The following ADAMTS20 variants were observed in gnomAD, a reference collection of about 807,000 sequenced individuals.
ADAMTS20 encodes A disintegrin and metalloproteinase with thrombospondin motifs 20.
In ADAMTS20, 225 loss-of-function variants were observed where a neutral mutation model predicts 260.1. That is an observed-to-expected ratio of 0.87 (90% CI 0.78 to 0.97). ADAMTS20 has a LOEUF of 0.97. ADAMTS20 is among the 50% of genes least tolerant of loss of function. ADAMTS20 has a pLI of 0.00. For missense variants in ADAMTS20, 2,400 were observed against 2,337.7 expected (o/e 1.03, Z -0.55); for synonymous variants, 802 against 769.5 (o/e 1.04, Z -0.70).
At chr12:43,512,306 A>G (rs904161492) in intron 3 of ADAMTS20, among the ~76,000 whole-genome samples, 1 of 149,400 alleles carries the variant, frequency 6.7e-6, no homozygotes, top group Non-Finnish European at 1.5e-5. Flanking sequence ...AAAATAAAAT[A>G]CCCTCATTTT....
chr12:43,487,864 T>A (rs1334490534), intron 7 of ADAMTS20, among the ~76,000 whole-genome samples: 2 of 152,106 alleles, frequency 1.3e-5, no homozygotes, highest in East Asian at 3.8e-4. Context: ...GATGCATGGA[T>A]AAATAGCAAA....
At chr12:43,503,438 T>C (rs927322151) in intron 3 of ADAMTS20, among the ~76,000 whole-genome samples, 3 of 152,076 alleles carry the variant, frequency 2.0e-5, no homozygotes, top group African/African-American at 7.2e-5. Flanking sequence ...ATTAAAATAA[T>C]TCATTTTAAG....
At chr12:43,417,761 C>T (rs1941158860) in intron 28 of ADAMTS20, among the ~76,000 whole-genome samples, 1 of 152,174 alleles carries the variant, frequency 6.6e-6, no homozygotes, top group Non-Finnish European at 1.5e-5. Context: ...TTATCTAACA[C>T]TCCAGGAAAA....
chr12:43,511,828 A>G (rs1319241477), intron 3 of ADAMTS20, among the ~76,000 whole-genome samples: 1 of 152,148 alleles, frequency 6.6e-6, no homozygotes, highest in Non-Finnish European at 1.5e-5. Flanking sequence ...TTTTTAAATG[A>G]GGACATAAAA....
In ADAMTS20 at chr12:43,493,150, A is replaced by C; in HGVS notation, c.951+20T>G. 1 of 1,511,070 alleles carries C rather than the reference A, an allele frequency of 6.6e-7. No individual in the cohort carries two copies. Among genetic ancestry groups the C allele is most frequent in the Non-Finnish European group, 9.0e-7 (1 of 1,110,762 alleles). The allele number at this position is 1,511,070 out of a possible 1,614,324, so 93.6% of individuals were successfully genotyped here. A position where few individuals can be genotyped will look rare whatever the true frequency, so the allele number is the denominator to read the frequency against. ...AAACTTACTACAACTAAGGTTACTA[A>C]TTTTAGACCTGTTTCTTACCTCCTC... On this transcript the variant is annotated intron_variant, in intron 5 of 38. Coordinates refer to ENST00000389420, the MANE Select transcript of ADAMTS20 (RefSeq NM_025003.5).
chr12:43,427,547 A>G, intron 26 of ADAMTS20, 78 bp from the exon 27 acceptor site: 1 of 1,285,970 alleles, frequency 7.8e-7, no homozygotes, highest in Non-Finnish European at 1.0e-6. Flanking sequence ...AAAAAAAATC[A>G]GCATTGACTC....
intron 11 of ADAMTS20, among the ~76,000 whole-genome samples, chr12:43,460,100 A>G (rs1367775796): frequency 6.6e-6 from 1 of 152,242 alleles, no homozygotes; most frequent in Non-Finnish European, 1.5e-5. Context: ...TTTATTTAAT[A>G]CTGAATACAG....
intron 3 of ADAMTS20, among the ~76,000 whole-genome samples, chr12:43,512,333 A>G (rs1050152063): frequency 4.7e-5 from 7 of 149,874 alleles, no homozygotes; most frequent in African/African-American, 1.7e-4. Context: ...GAGGATAATA[A>G]TTTTATATTT....
intron 37 of ADAMTS20, among the ~76,000 whole-genome samples, chr12:43,362,875 C>A (rs1432454508): frequency 6.7e-6 from 1 of 150,258 alleles, no homozygotes; most frequent in African/African-American, 2.4e-5. Context: ...CCAGGGAATG[C>A]AGGCAACTTC....
In ADAMTS20 at chr12:43,532,555, GT is replaced by G. The variant is rs370124548; in HGVS notation, c.454-361del. Among the ~76,000 whole-genome samples the G allele has an allele frequency of 7.8e-4, 107 of 137,350 alleles. 1 individual carries two copies. Among genetic ancestry groups the G allele is most frequent in the African/African-American group, 2.0e-3 (74 of 37,092 alleles). 90.1% of individuals were successfully genotyped at this position (137,350 alleles called of 152,430 possible). A position where few individuals can be genotyped will look rare whatever the true frequency, so the allele number is the denominator to read the frequency against. On this transcript the variant is annotated intron_variant, in intron 2 of 38. Transcript: ENST00000389420. ...AAAATAGATACTTTTTTTTTTTAATGTTTTTTTTTTTATTATACTCTAAGTT... is the reference window on the plus strand; with the variant it reads ...AAAATAGATACTTTTTTTTTTTAATGTTTTTTTTTTATTATACTCTAAGTT...
chr12:43,486,219 T>A (rs187933103), intron 7 of ADAMTS20, among the ~76,000 whole-genome samples: 8 of 151,994 alleles, frequency 5.3e-5, no homozygotes, highest in African/African-American at 2.4e-5. Context: ...GGTACTGGTA[T>A]AAAAGCAGAC....
intron 7 of ADAMTS20, among the ~76,000 whole-genome samples, chr12:43,474,477 T>C (rs1464162169): frequency 6.9e-6 from 1 of 145,870 alleles, no homozygotes; most frequent in East Asian, 2.0e-4. Context: ...GAATCCTCCC[T>C]AACTCATTTT....
chr12:43,405,460 T>TAAA (rs1230077804), intron 28 of ADAMTS20, among the ~76,000 whole-genome samples: 44 of 140,882 alleles, frequency 3.1e-4, no homozygotes, highest in African/African-American at 8.1e-4. Context: ...ATAATAATAA[T>TAAA]AAATTAAATA....
intron 28 of ADAMTS20, among the ~76,000 whole-genome samples, chr12:43,406,549 A>T (rs1940923372): frequency 6.6e-6 from 1 of 152,098 alleles, no homozygotes; most frequent in African/African-American, 2.4e-5. Context: ...AGATATTCTG[A>T]GAAACAAAAC....
At chr12:43,499,726 A>G (rs1287619381) in intron 4 of ADAMTS20, among the ~76,000 whole-genome samples, 1 of 152,040 alleles carries the variant, frequency 6.6e-6, no homozygotes, top group Non-Finnish European at 1.5e-5. Context: ...GATGGTCTCT[A>G]TCTCTTGACC....
intron 3 of ADAMTS20, among the ~76,000 whole-genome samples, chr12:43,511,131 C>T (rs1942918397): frequency 6.6e-6 from 1 of 152,020 alleles, no homozygotes; most frequent in African/African-American, 2.4e-5. Context: ...CTGCAGAGTC[C>T]TTGCCTCCAA....
chr12:43,503,448 G>A (rs1443745021), intron 3 of ADAMTS20, among the ~76,000 whole-genome samples: 1 of 152,056 alleles, frequency 6.6e-6, no homozygotes, highest in African/African-American at 2.4e-5. Context: ...TTCATTTTAA[G>A]TACGAATGTA....
At chr12:43,539,846 T>C (rs1291534701) in intron 2 of ADAMTS20, among the ~76,000 whole-genome samples, 1 of 152,064 alleles carries the variant, frequency 6.6e-6, no homozygotes, top group African/African-American at 2.4e-5. Context: ...AGCATCACAC[T>C]ATCTTCAAGC....
intron 3 of ADAMTS20, among the ~76,000 whole-genome samples, chr12:43,523,190 AG>A (rs2137485737): frequency 6.6e-6 from 1 of 152,346 alleles, no homozygotes; most frequent in East Asian, 1.9e-4. Flanking sequence ...CTGGGAATCC[AG>A]GTCACAGGGC....
Sources: gnomAD v4.1 joint callset for allele counts (sites outside exome capture counted in the v4.1 genomes callset) on GRCh38, gnomAD v4.1.1 for gene constraint, MANE v1.5 for transcripts, NCBI Gene and HGNC (gene_info 2026-07-23, HGNC 2026-07-21) for gene names.